Variants in FAM124B observed in about 807,000 individuals in gnomAD.
The protein encoded by FAM124B is family with sequence similarity 124 member B, also known as protein FAM124B.
FAM124B carries 18 observed loss-of-function variants against 19.7 expected under a neutral mutation model. The observed-to-expected ratio is 0.92, with a 90% confidence interval of 0.63 to 1.36. The LOEUF is 1.36. Among genes scored for constraint, FAM124B ranks in the 40% most tolerant of loss-of-function variants. The pLI, the probability that FAM124B is intolerant of heterozygous loss-of-function variation, is 0.00. For synonymous variants in FAM124B, 223 were observed against 225.2 expected (o/e 0.99, Z 0.09); for missense variants, 540 against 553.3 (o/e 0.98, Z 0.24).
At chr2:224,389,932 C>T (rs1015140546) in intron 1 of FAM124B, among the ~76,000 whole-genome samples, 2 of 151,902 alleles carry the variant, frequency 1.3e-5, no homozygotes, top group African/African-American at 2.4e-5. Flanking sequence ...TGTCACAACT[C>T]GGGGGTGAGT....
chr2:224,380,342 A>G (rs1689696193), intron 1 of FAM124B, 134 bp from the exon 2 acceptor site: 2 of 735,530 alleles, frequency 2.7e-6, no homozygotes, highest in East Asian at 5.4e-5. Context: ...TGAATTGAAT[A>G]GAAGTGATAA....
chr2:224,381,350 G>A (rs1689709937), intron 1 of FAM124B, among the ~76,000 whole-genome samples: 1 of 152,190 alleles, frequency 6.6e-6, no homozygotes, highest in African/African-American at 2.4e-5. Context: ...CAGCTATTCA[G>A]AAGGCAGAAG....
chr2:224,396,033 A>G (rs772346133), intron 1 of FAM124B, among the ~76,000 whole-genome samples: 2 of 152,248 alleles, frequency 1.3e-5, no homozygotes, highest in Non-Finnish European at 2.9e-5. Context: ...GAAGCTACTT[A>G]GCCAGGGTTC....
chr2:224,394,663 C>A (rs745969799), intron 1 of FAM124B, among the ~76,000 whole-genome samples: 1 of 152,118 alleles, frequency 6.6e-6, no homozygotes, highest in Non-Finnish European at 1.5e-5. Context: ...TCTTCAAATC[C>A]CATTTTGTGT....
In FAM124B at chr2:224,379,688, A is replaced by C; in HGVS notation, c.1253T>G (p.Leu418Trp). The change falls in exon 2 of 2, where the codon TTG becomes TGG. Residue 418 changes from leucine (L) to tryptophan (W), a missense_variant. Coordinates refer to ENST00000409685, the MANE Select transcript of FAM124B (RefSeq NM_001122779.2). ...AAGGTCCCTTTGGCCAGCAAGTGGC[A>C]AAGGAGAGACTCTTTCCTTAAGGAC... Reference protein sequence around the residue: ...NSVLKERVSPLPLAGQRDLGT... With the variant: ...NSVLKERVSPWPLAGQRDLGT... 1 of 1,551,670 alleles carries C rather than the reference A, an allele frequency of 6.4e-7. No individual in the cohort carries two copies.
intron 1 of FAM124B, among the ~76,000 whole-genome samples, chr2:224,384,442 A>G (rs1280919999): frequency 6.6e-6 from 1 of 152,038 alleles, no homozygotes; most frequent in African/African-American, 2.4e-5. Flanking sequence ...GACTCCCACA[A>G]AATCTCCCCA....
intron 1 of FAM124B, among the ~76,000 whole-genome samples, chr2:224,385,196 C>T (rs114077178): frequency 4.6e-5 from 7 of 152,168 alleles, no homozygotes; most frequent in Non-Finnish European, 8.8e-5. Flanking sequence ...GCTGGTAATT[C>T]CCTCCTACCA....
At chr2:224,395,195 G>A (rs1311749382) in intron 1 of FAM124B, among the ~76,000 whole-genome samples, 1 of 152,136 alleles carries the variant, frequency 6.6e-6, no homozygotes, top group Non-Finnish European at 1.5e-5. Context: ...CCTGCCAGGA[G>A]GAGGGCAGGA....
chr2:224,398,851 C>G (rs1305905339), intron 1 of FAM124B, among the ~76,000 whole-genome samples: 1 of 152,188 alleles, frequency 6.6e-6, no homozygotes, highest in African/African-American at 2.4e-5. Flanking sequence ...TGGCAGGCAC[C>G]TGTAGTCTCA....
intron 1 of FAM124B, chr2:224,400,577 C>A: frequency 1.5e-6 from 1 of 667,178 alleles, no homozygotes; most frequent in South Asian, 1.7e-5. Flanking sequence ...TTCCTTAAGT[C>A]AGATTAGAAG....
Position 224,379,340 on chromosome 2 carries a change from C to T in FAM124B, c.*233G>A, listed in dbSNP as rs184879251. 388 of 531,298 alleles carry T rather than the reference C, an allele frequency of 7.3e-4. 1 individual carries two copies. The highest frequency in any genetic ancestry group is 6.7e-3 in the African/African-American group (351 of 52,374). 32.9% of individuals were successfully genotyped at this position (531,298 alleles called of 1,614,324 possible). A position where few individuals can be genotyped will look rare whatever the true frequency, so the allele number is the denominator to read the frequency against. On this transcript the variant is annotated 3_prime_UTR_variant, in exon 2 of 2. Coordinates refer to ENST00000409685, the MANE Select transcript of FAM124B (RefSeq NM_001122779.2). ...TGCATCTCCACGGAACAAAAGCATT[C>T]GGTTTTTTTCCCTGTGTGTTGGCTG...
chr2:224,389,407 A>G lies in FAM124B; in HGVS notation c.733-9199T>C, dbSNP rs544692981. ...AGGATGAAACAGAATGCCTGGAGCC[A>G]GGGTGAAGGCATTATAATGCTGTAA... On this transcript the variant is annotated intron_variant, in intron 1 of 1. Transcript: ENST00000409685. 2.0e-5 allele frequency among the ~76,000 whole-genome samples: 3 copies of G among 152,358 alleles called. No individual in the cohort carries two copies. The East Asian group carries it at 5.8e-4, about 29-fold the overall frequency.
Position 224,380,166 on chromosome 2 carries a change from C to T in FAM124B, c.775G>A (p.Gly259Arg). ...GAGCCCAGGGGAAGCATGCCAGCTCCCAAGATGCCATTCTTAACACCAAGT... is the reference window on the plus strand; with the variant it reads ...GAGCCCAGGGGAAGCATGCCAGCTCTCAAGATGCCATTCTTAACACCAAGT... ...PELGVKNGIL[G>R]AGMLPLGSRL... The change falls in exon 2 of 2, where the codon GGA (glycine) becomes AGA (arginine). Residue 259 changes from glycine (G) to arginine (R), a missense_variant. Gly to Arg is a moderately radical substitution (Grantham distance 125). Transcript: ENST00000409685. The T allele has an allele frequency of 6.4e-7, 1 of 1,550,882 alleles. No individual in the cohort carries two copies. The highest frequency in any genetic ancestry group is 1.2e-5 in the South Asian group (1 of 84,022).
intron 1 of FAM124B, among the ~76,000 whole-genome samples, chr2:224,398,046 A>G (rs1690003047): frequency 1.3e-5 from 2 of 152,166 alleles, no homozygotes. Context: ...TGTGAGTCCA[A>G]TTAAACCTCT....
In FAM124B at chr2:224,380,179, C is replaced by T. The variant is rs1258048502; in HGVS notation, c.762G>A (p.Lys254=). 13 of 1,549,210 alleles carry T rather than the reference C, an allele frequency of 8.4e-6. No homozygotes were observed. Among genetic ancestry groups the T allele is most frequent in the Middle Eastern group, 1.7e-4 (1 of 5,976 alleles). ...QVQLNPELGV[K]NGILGAGMLP... ...GCATGCCAGCTCCCAAGATGCCATT[C>T]TTAACACCAAGTTCTGGATTCAGCT... The change falls in exon 2 of 2, where the codon AAG becomes AAA. Residue 254 remains lysine (K), a synonymous_variant. Coordinates refer to ENST00000409685, the MANE Select transcript of FAM124B (RefSeq NM_001122779.2).
At position 224,383,606 on chromosome 2, in the gene FAM124B, G is replaced by T. The variant is rs187546895; in HGVS notation, c.733-3398C>A. Among the ~76,000 whole-genome samples the T allele has an allele frequency of 4.6e-5, 7 of 152,098 alleles. 1 individual carries two copies. In the East Asian group the frequency reaches 1.4e-3, roughly 29 times the overall value. On this transcript the variant is annotated intron_variant, in intron 1 of 1. Coordinates refer to ENST00000409685, the MANE Select transcript of FAM124B (RefSeq NM_001122779.2). ...ACAAATGTATAAAATAAAAAGTAAA[G>T]CCTTCTCCCTATCCCAACCTCAAAT... is the stretch of plus-strand genomic sequence containing the variant.
chr2:224,390,731 C>G (rs1003093981), intron 1 of FAM124B, among the ~76,000 whole-genome samples: 31 of 148,704 alleles, frequency 2.1e-4, no homozygotes, highest in African/African-American at 7.5e-4. Flanking sequence ...GACAGAGTCT[C>G]TCTCAGTCGC....
chr2:224,379,255 A>C lies in FAM124B; in HGVS notation c.*318T>G. The C allele has an allele frequency of 3.7e-6, 1 of 271,276 alleles. No homozygotes were observed. Among genetic ancestry groups the C allele is most frequent in the Non-Finnish European group, 7.0e-6 (1 of 143,072 alleles). 16.8% of individuals were successfully genotyped at this position (271,276 alleles called of 1,614,324 possible). On this transcript the variant is annotated 3_prime_UTR_variant, in exon 2 of 2. Transcript: ENST00000409685. ...TTAGTGTTGTATAACATACCGATTC[A>C]TTTGCATACAATGCAATTATCCTGA...
chr2:224,395,288 T>C (rs940624206), intron 1 of FAM124B, among the ~76,000 whole-genome samples: 1 of 151,946 alleles, frequency 6.6e-6, no homozygotes, highest in Admixed American at 6.6e-5. Context: ...GTACAAAAAA[T>C]ACAACTTTGG....
Sources: allele counts gnomAD v4.1 joint callset (sites outside exome capture counted in the v4.1 genomes callset), GRCh38; gene constraint gnomAD v4.1.1; transcripts MANE v1.5; gene names NCBI Gene and HGNC (gene_info 2026-07-23, HGNC 2026-07-21).